CHD8: variants seen among roughly 807,000 people sequenced by gnomAD.
The protein encoded by CHD8 is ATP-dependent chromatin remodeler CHD8.
CHD8 carries 31 observed loss-of-function variants against 279.2 expected under a neutral mutation model. The observed-to-expected ratio is 0.11, with a 90% CI of 0.08 to 0.15. The LOEUF is 0.15. Ranked by LOEUF, CHD8 falls within the 10% of genes least tolerant of loss-of-function variation. CHD8 has a pLI of 1.00. For synonymous variants in CHD8, 1,081 were observed against 1,139.6 expected, an observed-to-expected ratio of 0.95 and a Z score of 1.04; for missense variants, 2,146 against 3,230.5, an observed-to-expected ratio of 0.66 and a Z score of 8.14.
intron 5 of CHD8, among the ~76,000 whole-genome samples, chr14:21,421,896 C>A (rs1461055301): frequency 3.9e-5 from 6 of 152,124 alleles, no homozygotes; most frequent in African/African-American, 1.4e-4. Flanking sequence ...TTTGGACACA[C>A]AAAAAGACAC....
At chr14:21,432,712 C>G (rs540654376) in intron 1 of CHD8, among the ~76,000 whole-genome samples, 8 of 152,312 alleles carry the variant, frequency 5.3e-5, no homozygotes, top group African/African-American at 1.7e-4. Flanking sequence ...ATCCTACCAA[C>G]CCTCAAAGGT....
chr14:21,394,048 G>A lies in CHD8; in HGVS notation c.5747C>T (p.Pro1916Leu). 1 of 1,613,952 alleles carries A rather than the reference G, an allele frequency of 6.2e-7. No homozygotes were observed. The highest frequency in any genetic ancestry group is 1.6e-4 in the Middle Eastern group (1 of 6,062). Residue 1916 changes from proline (P) to leucine (L), a missense_variant, in exon 32 of 38, where the codon CCT (proline) becomes CTT (leucine). By Grantham distance (98) the Pro-to-Leu change is moderately conservative (BLOSUM62 -3). Coordinates refer to ENST00000646647, the MANE Select transcript of CHD8 (RefSeq NM_001170629.2). ...LEDRLALCQP[P>L]GPELPKWWEP... ...CCACCATTTGGGCAATTCAGGACCA[G>A]GAGGCTGACACAATGCCAGCCGATC... is the stretch of plus-strand genomic sequence containing the variant.
rs1887701008 is a variant in CHD8 at position 21,394,689 on chromosome 14, GAC to G, written c.5391-206_5391-205del. The G allele has an allele frequency of 2.1e-5, 13 of 612,474 alleles. No homozygotes were observed. The South Asian group carries it at 2.8e-4, about 13-fold the overall frequency. 37.9% of individuals were successfully genotyped at this position (612,474 alleles called of 1,614,324 possible). A position where few individuals can be genotyped will look rare whatever the true frequency, so the allele number is the denominator to read the frequency against. ...AGAATTACAGAGCCAAGGGGGAAAA[GAC>G]ACAGACAAATATCAATGAAAATGTC... On this transcript the variant is annotated intron_variant, in intron 30 of 37. Coordinates refer to ENST00000646647, the MANE Select transcript of CHD8 (RefSeq NM_001170629.2).
At chr14:21,414,793 T>C (rs968116715) in intron 8 of CHD8, 145 bp downstream of exon 8, 2 of 680,454 alleles carry the variant, frequency 2.9e-6, no homozygotes, top group African/African-American at 1.8e-5. Context: ...AATTTCTCTC[T>C]GAATAGCCAT....
intron 5 of CHD8, among the ~76,000 whole-genome samples, chr14:21,423,147 G>C (rs1402870069): frequency 2.6e-5 from 4 of 152,184 alleles, no homozygotes; most frequent in Middle Eastern, 6.3e-3. Flanking sequence ...TGAACCGAGA[G>C]GCAGAGGTTG....
At position 21,416,400 on chromosome 14, in the gene CHD8, A is replaced by T. The variant is rs142934893; in HGVS notation, c.1717-493T>A. ...TCCATATATATTTTTTATTTACCTT[A>T]TTCTTTCAAGTGGCTGAATTAAACA... On this transcript the variant is annotated intron_variant, in intron 5 of 37. Transcript: ENST00000646647. 1.8e-3 allele frequency: 267 copies of T among 152,174 alleles called. 1 individual carries two copies. Among genetic ancestry groups the T allele is most frequent in the Non-Finnish European group, 3.2e-3 (221 of 68,050 alleles). 9.4% of individuals were successfully genotyped at this position (152,174 alleles called of 1,614,324 possible).
intron 20 of CHD8, 108 bp downstream of exon 20, chr14:21,401,849 G>T (rs964803391): frequency 6.6e-6 from 7 of 1,068,412 alleles, no homozygotes; most frequent in African/African-American, 3.2e-5. Flanking sequence ...GCCTCCCAAA[G>T]TGCTGGGAAT....
In CHD8 at chr14:21,402,872, C is replaced by T. The variant is rs1014962812; in HGVS notation, c.3714+145G>A. On this transcript the variant is annotated intron_variant, in intron 18 of 37. Coordinates refer to ENST00000646647, the MANE Select transcript of CHD8 (RefSeq NM_001170629.2). This position sits in a 1 kb window ranked among gnomAD's most constrained non-coding sequence, Gnocchi z 4.5. ...TTACTGTCTTGTCGTTTACAGAAAA[C>T]GTTTGCTGATTCCCTGACCTAACTG... 1.8e-5 allele frequency: 12 copies of T among 662,742 alleles called. No homozygotes were observed. The highest frequency in any genetic ancestry group is 1.1e-4 in the East Asian group (4 of 36,656). 41.1% of individuals were successfully genotyped at this position (662,742 alleles called of 1,614,324 possible). A position where few individuals can be genotyped will look rare whatever the true frequency, so the allele number is the denominator to read the frequency against.
chr14:21,428,913 G>T, intron 3 of CHD8, 51 bp downstream of exon 3: 11 of 1,585,262 alleles, frequency 6.9e-6, no homozygotes, highest in Non-Finnish European at 8.6e-6. Flanking sequence ...CAACAGCAAT[G>T]GACTAAGTAT....
chr14:21,430,768 C>T, intron 2 of CHD8, 33 bp downstream of exon 2: 1 of 1,483,392 alleles, frequency 6.7e-7, no homozygotes, highest in Non-Finnish European at 9.1e-7. Context: ...CTCTATGAAA[C>T]CAAAATTCAC....
intron 1 of CHD8, chr14:21,436,833 G>A (rs1889797965): frequency 3.7e-6 from 2 of 540,004 alleles, no homozygotes; most frequent in African/African-American, 4.0e-5. Context: ...GGCGAGGTGA[G>A]GAAGTGAGGG....
intron 5 of CHD8, chr14:21,419,810 A>C (rs1954884494): frequency 2.7e-6 from 1 of 373,872 alleles, no homozygotes; most frequent in Admixed American, 3.2e-5. Context: ...CCATGACCAA[A>C]ACATCCCCGA....
chr14:21,429,473 T>C (rs183273208), intron 2 of CHD8, 138 bp from the exon 3 acceptor site: 12 of 906,740 alleles, frequency 1.3e-5, no homozygotes, highest in Non-Finnish European at 2.2e-5. Context: ...TTGTTCATCA[T>C]CCTATCTGTC....
Position 21,400,100 on chromosome 14 carries a change from GT to G in CHD8, c.4728-31del, listed in dbSNP as rs1189355197. 6.2e-7 allele frequency: 1 copy of G among 1,613,014 alleles called. No homozygotes were observed. The highest frequency in any genetic ancestry group is 1.7e-5 in the Admixed American group (1 of 59,988). ...AAAGGACAGAGGAAGAGCTGGCTCA[GT>G]AACACTGTAGAAGTTTGAGGTGGAA... is the stretch of plus-strand genomic sequence containing the variant. On this transcript the variant is annotated intron_variant, in intron 24 of 37. Coordinates refer to ENST00000646647, the MANE Select transcript of CHD8 (RefSeq NM_001170629.2). This position sits in a 1 kb window ranked among gnomAD's most constrained non-coding sequence, Gnocchi z 4.2.
At position 21,392,717 on chromosome 14, in the gene CHD8, T is replaced by A; in HGVS notation, c.6561A>T (p.Thr2187=). 1 of 1,614,026 alleles carries A rather than the reference T, an allele frequency of 6.2e-7. No homozygotes were observed. Among genetic ancestry groups the A allele is most frequent in the Non-Finnish European group, 8.5e-7 (1 of 1,179,894 alleles). The change falls in exon 34 of 38, where the codon ACA becomes ACT. Residue 2187 remains threonine (T), a synonymous_variant. Transcript: ENST00000646647. ...PSSRRSQEMV[T]GGILGPGNHL... is the part of the protein sequence containing the mutation. ...GGTTGCCTGGCCCCAAAATTCCTCC[T>A]GTTACCATTTCCTGGCTCCTACGGC... is the stretch of plus-strand genomic sequence containing the variant.
At chr14:21,388,838 G>A (rs1458843769) in intron 37 of CHD8, among the ~76,000 whole-genome samples, 1 of 152,128 alleles carries the variant, frequency 6.6e-6, no homozygotes, top group Non-Finnish European at 1.5e-5. Context: ...GGTATCTGCA[G>A]GGGTCCTGGA....
At chr14:21,412,809 A>G in intron 10 of CHD8, 104 bp downstream of exon 10, 1 of 715,708 alleles carries the variant, frequency 1.4e-6, no homozygotes, top group Non-Finnish European at 2.5e-6. Flanking sequence ...ATACCTTTTC[A>G]GTCCAAGGGA....
At chr14:21,427,833 C>T in intron 4 of CHD8, 36 bp downstream of exon 4, 2 of 1,602,292 alleles carry the variant, frequency 1.2e-6, no homozygotes, top group Non-Finnish European at 1.7e-6. Context: ...TGAGCTTACT[C>T]TTGCACGTCC....
rs1281648702 is a variant in CHD8 at position 21,402,976 on chromosome 14, C to A, written c.3714+41G>T. 1 of 1,504,866 alleles carries A rather than the reference C, an allele frequency of 6.6e-7. No individual in the cohort carries two copies. 93.2% of individuals were successfully genotyped at this position (1,504,866 alleles called of 1,614,324 possible). A position where few individuals can be genotyped will look rare whatever the true frequency, so the allele number is the denominator to read the frequency against. ...ATCCTATTCTTGTTGAAAAATCTCC[C>A]AAGTTAGGTAGTTAGTCCCTAAGAC... On this transcript the variant is annotated intron_variant, in intron 18 of 37. Transcript: ENST00000646647. This position sits in a 1 kb window ranked among gnomAD's most constrained non-coding sequence, Gnocchi z 4.5.
Sources: gnomAD v4.1 joint callset for allele counts (sites outside exome capture counted in the v4.1 genomes callset) on GRCh38, gnomAD v4.1.1 for gene constraint, Gnocchi (gnomAD v3.1) non-coding constraint, MANE v1.5 for transcripts, NCBI Gene and HGNC (gene_info 2026-07-23, HGNC 2026-07-21) for gene names.